CCSER1: variants seen among roughly 807,000 people sequenced by gnomAD.
CCSER1 encodes the protein coiled-coil serine rich protein 1.
Under a neutral mutation model 82.0 loss-of-function variants are expected in CCSER1, and 41 were observed. That is an observed-to-expected ratio of 0.50 (90% CI 0.39 to 0.65). The LOEUF is 0.65. Among genes scored for constraint, CCSER1 ranks in the 30% least tolerant of loss-of-function variants. The probability of loss-of-function intolerance (pLI) is 0.00; values close to 1 mark genes in which losing one functional copy is unlikely to be tolerated. For synonymous variants in CCSER1, 414 were observed against 383.9 expected (o/e 1.08, Z -0.92); for missense variants, 1,119 against 1,064.2 (o/e 1.05, Z -0.72).
At chr4:91,109,236 C>T (rs766021050) in intron 10 of CCSER1, among the ~76,000 whole-genome samples, 2 of 152,120 alleles carry the variant, frequency 1.3e-5, no homozygotes, top group Admixed American at 6.5e-5. Context: ...TAGCAAGGGT[C>T]TTCTCAAGCT....
intron 10 of CCSER1, among the ~76,000 whole-genome samples, chr4:91,120,552 T>G (rs532247448): frequency 4.0e-4 from 61 of 152,138 alleles, no homozygotes; most frequent in Non-Finnish European, 6.8e-4. Flanking sequence ...CATGGGATGA[T>G]ACTTTAGCTT....
intron 4 of CCSER1, among the ~76,000 whole-genome samples, chr4:90,408,196 C>T (rs753149922): frequency 6.6e-6 from 1 of 152,204 alleles, no homozygotes; most frequent in Admixed American, 6.5e-5. Flanking sequence ...CTGTAGGCTC[C>T]ACCTATGGGG....
chr4:90,189,786 CT>C (rs1043878417), intron 1 of CCSER1, among the ~76,000 whole-genome samples: 10 of 151,818 alleles, frequency 6.6e-5, no homozygotes, highest in African/African-American at 2.4e-4. Context: ...AATTTTATCC[CT>C]GATATTTTCT....
chr4:91,193,606 C>T (rs7688333), intron 10 of CCSER1, among the ~76,000 whole-genome samples: 96,874 of 152,016 alleles, frequency 0.64, 32,175 homozygotes, highest in African/African-American at 0.83. Context: ...ATGAAAGCTA[C>T]ACAAATATTA....
At chr4:91,297,424 T>TGTGTGTGTGTGTGTGTG (rs1744301707) in intron 10 of CCSER1, among the ~76,000 whole-genome samples, 5 of 133,416 alleles carry the variant, frequency 3.7e-5, no homozygotes, top group Non-Finnish European at 6.5e-5. Context: ...TGTGTGTGTG[T>TGTGTGTGTGTGTGTGTG]TAGGGAGACA....
At chr4:90,289,667 T>C (rs769485887) in intron 1 of CCSER1, among the ~76,000 whole-genome samples, 2 of 151,850 alleles carry the variant, frequency 1.3e-5, no homozygotes, top group Non-Finnish European at 2.9e-5. Context: ...CTGTAGAGGG[T>C]GCTGATTCAG....
intron 10 of CCSER1, among the ~76,000 whole-genome samples, chr4:91,423,633 C>G (rs1025869741): frequency 6.6e-6 from 1 of 152,088 alleles, no homozygotes; most frequent in South Asian, 2.1e-4. Flanking sequence ...ACAAATAAGA[C>G]ACTTAGCCTC....
At chr4:91,408,004 C>A (rs1008694143) in intron 10 of CCSER1, among the ~76,000 whole-genome samples, 1 of 151,998 alleles carries the variant, frequency 6.6e-6, no homozygotes, top group African/African-American at 2.4e-5. Flanking sequence ...GCACTTCCGG[C>A]TTGCTCAGCC....
At chr4:90,413,235 C>T (rs1560479711) in intron 4 of CCSER1, among the ~76,000 whole-genome samples, 1 of 152,086 alleles carries the variant, frequency 6.6e-6, no homozygotes, top group Non-Finnish European at 1.5e-5. Context: ...TAGGAATATA[C>T]CTAACCAAGG....
rs1391464971 is a variant in CCSER1 at position 91,046,688 on chromosome 4, T to TG, written c.2173-39262_2173-39261insG. Among the ~76,000 whole-genome samples the TG allele has an allele frequency of 3.9e-3, 597 of 152,080 alleles. 1 individual carries two copies. Among genetic ancestry groups the TG allele is most frequent in the African/African-American group, 8.5e-3 (351 of 41,498 alleles). ...TACAAGAGGGAGAGGATAATATGTT[T>TG]TTTGTTGTTGTTGTTGTTGTTGTTG... On this transcript the variant is annotated intron_variant, in intron 9 of 10. Coordinates refer to ENST00000509176, the MANE Select transcript of CCSER1 (RefSeq NM_001145065.2).
intron 9 of CCSER1, among the ~76,000 whole-genome samples, chr4:91,077,049 G>A (rs768347221): frequency 4.0e-5 from 6 of 150,198 alleles, no homozygotes; most frequent in Non-Finnish European, 5.9e-5. Context: ...AATTCCACAT[G>A]ACCAGGCAAA....
At chr4:91,560,058 A>G (rs1762583674) in intron 10 of CCSER1, among the ~76,000 whole-genome samples, 2 of 151,480 alleles carry the variant, frequency 1.3e-5, no homozygotes, top group South Asian at 4.1e-4. Context: ...GAATAAATAG[A>G]TAAATAGATA....
chr4:90,224,681 T>C (rs1742798102), intron 1 of CCSER1, among the ~76,000 whole-genome samples: 1 of 152,232 alleles, frequency 6.6e-6, no homozygotes. Flanking sequence ...TTCTGGCTTT[T>C]CCACAGTTAA....
At chr4:91,102,706 T>G (rs1561550437) in intron 10 of CCSER1, among the ~76,000 whole-genome samples, 1 of 151,908 alleles carries the variant, frequency 6.6e-6, no homozygotes, top group African/African-American at 2.4e-5. Flanking sequence ...TAAACAAACT[T>G]ACAGTGTTTT....
intron 6 of CCSER1, among the ~76,000 whole-genome samples, chr4:90,703,341 T>C (rs1043966426): frequency 1.3e-5 from 2 of 152,200 alleles, no homozygotes; most frequent in African/African-American, 2.4e-5. Context: ...TGAGAGACAG[T>C]TTGTTATAAT....
chr4:90,352,092 A>G (rs569356434), intron 3 of CCSER1, among the ~76,000 whole-genome samples: 1 of 152,212 alleles, frequency 6.6e-6, no homozygotes, highest in Non-Finnish European at 1.5e-5. Flanking sequence ...TGGGAGGCCG[A>G]GCCGAGCGGA....
At position 90,552,568 on chromosome 4, in the gene CCSER1, C is replaced by T. The variant is rs576343812; in HGVS notation, c.1725-75457C>T. Among the ~76,000 whole-genome samples, 4 of 152,090 alleles carry T rather than the reference C, an allele frequency of 2.6e-5. No individual in the cohort carries two copies. The East Asian group carries it at 7.8e-4, about 30-fold the overall frequency. On this transcript the variant is annotated intron_variant, in intron 5 of 10. Coordinates refer to ENST00000509176, the MANE Select transcript of CCSER1 (RefSeq NM_001145065.2). ...CACTTCCCGGGCTCAAGCGATTCTC[C>T]CACCTCAGCCTCCCATGTAGCTGGG...
At chr4:90,436,642 C>A (rs1015924284) in intron 4 of CCSER1, among the ~76,000 whole-genome samples, 5 of 151,962 alleles carry the variant, frequency 3.3e-5, no homozygotes, top group African/African-American at 4.8e-5. Flanking sequence ...TTCTTTTAGT[C>A]TACTATGTTT....
intron 9 of CCSER1, among the ~76,000 whole-genome samples, chr4:91,022,697 C>T (rs1284972612): frequency 6.6e-6 from 1 of 152,164 alleles, no homozygotes; most frequent in African/African-American, 2.4e-5. Context: ...TTAATGATCG[C>T]CATTCTAACT....
Sources: gnomAD v4.1 joint callset for allele counts (sites outside exome capture counted in the v4.1 genomes callset) on GRCh38, gnomAD v4.1.1 for gene constraint, MANE v1.5 for transcripts, NCBI Gene and HGNC (gene_info 2026-07-23, HGNC 2026-07-21) for gene names.